CHCHD3: variants seen among roughly 807,000 people sequenced by gnomAD.
CHCHD3 encodes the protein coiled-coil-helix-coiled-coil-helix domain containing 3, also known as MICOS complex subunit MIC19.
A neutral mutation model predicts 38.2 loss-of-function variants in CHCHD3; 20 were observed. The ratio of observed to expected loss-of-function variants is 0.52; its 90% CI spans 0.37 to 0.76. The LOEUF (loss-of-function observed/expected upper bound fraction) is 0.76, where lower values mean the gene tolerates loss of function less well. Among genes scored for constraint, CHCHD3 ranks in the 30% least tolerant of loss-of-function variants. The pLI is 0.00. For synonymous variants in CHCHD3, 82 were observed against 100.0 expected, an observed-to-expected ratio of 0.82 and a Z score of 1.07; for missense variants, 245 against 279.2, an observed-to-expected ratio of 0.88 and a Z score of 0.87.
chr7:133,053,646 T>C (rs1329934233), intron 2 of CHCHD3, among the ~76,000 whole-genome samples: 2 of 152,224 alleles, frequency 1.3e-5, no homozygotes, highest in Non-Finnish European at 2.9e-5. Context: ...GACGTTAATC[T>C]GAAGCATCCC....
At chr7:132,850,482 A>G (rs1808193053) in intron 5 of CHCHD3, among the ~76,000 whole-genome samples, 1 of 147,542 alleles carries the variant, frequency 6.8e-6, no homozygotes, top group Non-Finnish European at 1.5e-5. Context: ...TGGTTTTCTA[A>G]TTAGAATAGG....
At chr7:132,937,440 A>G (rs1447652667) in intron 4 of CHCHD3, among the ~76,000 whole-genome samples, 8 of 152,218 alleles carry the variant, frequency 5.3e-5, no homozygotes, top group Non-Finnish European at 1.2e-4. Flanking sequence ...TAAAATTATA[A>G]GCAATTTAGT....
At chr7:132,869,561 A>G (rs1380744373) in intron 5 of CHCHD3, among the ~76,000 whole-genome samples, 2 of 152,162 alleles carry the variant, frequency 1.3e-5, no homozygotes, top group African/African-American at 4.8e-5. Flanking sequence ...GCAAATATAT[A>G]TATAAGATAA....
At chr7:132,790,487 T>C (rs1228507912) in intron 7 of CHCHD3, among the ~76,000 whole-genome samples, 1 of 152,106 alleles carries the variant, frequency 6.6e-6, no homozygotes, top group Admixed American at 6.5e-5. Context: ...GGATAGGAAA[T>C]TTAAAGTTTG....
At chr7:132,951,528 C>T (rs535300843) in intron 4 of CHCHD3, among the ~76,000 whole-genome samples, 17 of 152,220 alleles carry the variant, frequency 1.1e-4, no homozygotes, top group Admixed American at 3.9e-4. Context: ...GCATACTGAA[C>T]GGTGACTGTG....
intron 3 of CHCHD3, among the ~76,000 whole-genome samples, chr7:133,020,563 C>T (rs1178685071): frequency 6.6e-6 from 1 of 152,194 alleles, no homozygotes; most frequent in Non-Finnish European, 1.5e-5. Context: ...ACATGGACTG[C>T]ATTTTATCAA....
At chr7:132,808,756 T>A (rs1806993794) in intron 6 of CHCHD3, among the ~76,000 whole-genome samples, 1 of 151,902 alleles carries the variant, frequency 6.6e-6, no homozygotes, top group South Asian at 2.1e-4. Context: ...TTATTATACT[T>A]TAAGTTTTAG....
intron 3 of CHCHD3, among the ~76,000 whole-genome samples, chr7:133,022,852 A>G (rs1813228299): frequency 7.3e-6 from 1 of 137,088 alleles, no homozygotes; most frequent in African/African-American, 2.7e-5. Context: ...ATAATGAAGA[A>G]GAAGAAAAAA....
chr7:132,811,362 G>T (rs1807064284), intron 6 of CHCHD3, among the ~76,000 whole-genome samples: 1 of 152,196 alleles, frequency 6.6e-6, no homozygotes, highest in African/African-American at 2.4e-5. Flanking sequence ...TCCCAACATG[G>T]TGGTCACACC....
chr7:133,022,352 G>C (rs1485333324), intron 3 of CHCHD3: 8 of 456,212 alleles, frequency 1.8e-5, no homozygotes, highest in Non-Finnish European at 3.5e-5. Flanking sequence ...AAGGCAAGAG[G>C]AGCTATTTTC....
chr7:133,061,422 G>A (rs1375689490), intron 2 of CHCHD3, among the ~76,000 whole-genome samples: 2 of 151,478 alleles, frequency 1.3e-5, no homozygotes, highest in African/African-American at 4.9e-5. Flanking sequence ...GACAAGGTCT[G>A]CGAGTGACCC....
intron 4 of CHCHD3, among the ~76,000 whole-genome samples, chr7:132,957,187 C>A (rs1438371767): frequency 6.6e-6 from 1 of 152,162 alleles, no homozygotes; most frequent in Non-Finnish European, 1.5e-5. Flanking sequence ...ATTCCCAAAA[C>A]CCCTGGGCCT....
At position 133,082,080 on chromosome 7, in the gene CHCHD3, G is replaced by A; in HGVS notation, c.-143C>T. On this transcript the variant is annotated 5_prime_UTR_variant, in exon 1 of 8. Coordinates refer to ENST00000262570, the MANE Select transcript of CHCHD3 (RefSeq NM_017812.4). ...CACGACCCCCAGAAGCAAGGAGAAG[G>A]CGCCGGTCCTGAGCTCCCGCCTCCT... 1.4e-6 allele frequency: 1 copy of A among 723,940 alleles called. No individual in the cohort carries two copies. Among genetic ancestry groups the A allele is most frequent in the Non-Finnish European group, 2.2e-6 (1 of 457,274 alleles). The allele number at this position is 723,940 out of a possible 1,614,324, so 44.8% of individuals were successfully genotyped here. A position where few individuals can be genotyped will look rare whatever the true frequency, so the allele number is the denominator to read the frequency against.
chr7:132,913,956 T>C (rs1467626432), intron 4 of CHCHD3, among the ~76,000 whole-genome samples: 21 of 148,056 alleles, frequency 1.4e-4, no homozygotes, highest in Admixed American at 7.4e-4. Context: ...TTCTTTTTTT[T>C]TTTTTTTTTT....
intron 2 of CHCHD3, among the ~76,000 whole-genome samples, chr7:133,060,470 G>A (rs10242321): frequency 1.1e-3 from 164 of 152,324 alleles, no homozygotes; most frequent in African/African-American, 3.9e-3. Flanking sequence ...GTCATTAAAA[G>A]TTTCCTGGGG....
At chr7:132,885,120 T>C (rs1316749380) in intron 5 of CHCHD3, among the ~76,000 whole-genome samples, 1 of 151,994 alleles carries the variant, frequency 6.6e-6, no homozygotes, top group African/African-American at 2.4e-5. Flanking sequence ...GGCATGGTGG[T>C]GCATGCCTGT....
intron 6 of CHCHD3, among the ~76,000 whole-genome samples, chr7:132,834,088 C>T (rs1297186059): frequency 6.6e-6 from 1 of 152,136 alleles, no homozygotes; most frequent in Non-Finnish European, 1.5e-5. Context: ...CTAAGCTGGT[C>T]ATACAGATAG....
chr7:132,892,501 G>T (rs1809386923), intron 4 of CHCHD3, among the ~76,000 whole-genome samples: 1 of 152,214 alleles, frequency 6.6e-6, no homozygotes, highest in Non-Finnish European at 1.5e-5. Flanking sequence ...TATTTTTCTG[G>T]GGAGAAATTC....
At chr7:132,913,673 G>A (rs1056170763) in intron 4 of CHCHD3, among the ~76,000 whole-genome samples, 3 of 152,230 alleles carry the variant, frequency 2.0e-5, no homozygotes, top group African/African-American at 7.2e-5. Context: ...TGTCCAGGAT[G>A]AACAAGTGTG....
Sources: gnomAD v4.1 joint callset for allele counts (sites outside exome capture counted in the v4.1 genomes callset) on GRCh38, gnomAD v4.1.1 for gene constraint, MANE v1.5 for transcripts, NCBI Gene and HGNC (gene_info 2026-07-23, HGNC 2026-07-21) for gene names.